The following BPIFB1 variants were observed in gnomAD, a reference collection of about 807,000 sequenced individuals.
BPIFB1 encodes BPI fold containing family B member 1, also known as BPI fold-containing family B member 1.
Under a neutral mutation model 55.1 loss-of-function variants are expected in BPIFB1, and 34 were observed. The observed-to-expected ratio is 0.62, with a 90% CI of 0.47 to 0.82. The LOEUF (loss-of-function observed/expected upper bound fraction) is 0.82, where lower values mean the gene tolerates loss of function less well. Ranked by LOEUF, BPIFB1 falls within the 40% of genes least tolerant of loss-of-function variation. The pLI, the probability that BPIFB1 is intolerant of heterozygous loss-of-function variation, is 0.00. For missense variants in BPIFB1, 532 were observed against 593.1 expected (o/e 0.90, Z 1.07); for synonymous variants, 236 against 245.3 (o/e 0.96, Z 0.35).
intron 12 of BPIFB1, among the ~76,000 whole-genome samples, chr20:33,304,271 C>A (rs1178555165): frequency 6.6e-6 from 1 of 152,178 alleles, no homozygotes; most frequent in Non-Finnish European, 1.5e-5. Context: ...ACTCTGGACA[C>A]CTCCCAGGCC....
intron 9 of BPIFB1, among the ~76,000 whole-genome samples, chr20:33,302,022 C>T (rs1980870814): frequency 1.3e-5 from 2 of 152,158 alleles, no homozygotes; most frequent in African/African-American, 4.8e-5. Flanking sequence ...TCTCAGGGGA[C>T]TGGGATGGCG....
intron 15 of BPIFB1, among the ~76,000 whole-genome samples, chr20:33,308,527 C>T (rs1295135705): frequency 6.9e-6 from 1 of 145,950 alleles, no homozygotes; most frequent in Admixed American, 6.8e-5. Context: ...CACCTTTATA[C>T]ACATACATAC....
intron 15 of BPIFB1, among the ~76,000 whole-genome samples, chr20:33,308,933 TATACACAC>T (rs1232746022): frequency 1.4e-5 from 2 of 147,032 alleles, no homozygotes; most frequent in African/African-American, 2.5e-5. Flanking sequence ...CACATACACA[TATACACAC>T]ATACACACAC....
chr20:33,291,220 C>A, intron 5 of BPIFB1, 114 bp downstream of exon 5: 1 of 1,319,836 alleles, frequency 7.6e-7, no homozygotes, highest in Non-Finnish European at 1.0e-6. Flanking sequence ...AAGAAAGGGA[C>A]TTATCCCCTC....
At chr20:33,295,835 G>A (rs1980631734) in intron 6 of BPIFB1, among the ~76,000 whole-genome samples, 2 of 141,722 alleles carry the variant, frequency 1.4e-5, no homozygotes, top group African/African-American at 5.3e-5. Context: ...GAAGGAAGGG[G>A]AAGGGGAAGG....
At chr20:33,308,840 A>G (rs1343167429) in intron 15 of BPIFB1, among the ~76,000 whole-genome samples, 1 of 150,534 alleles carries the variant, frequency 6.6e-6, no homozygotes, top group Non-Finnish European at 1.5e-5. Context: ...ACACACACAC[A>G]TAATACACAC....
chr20:33,291,905 A>G lies in BPIFB1; in HGVS notation c.516-2A>G, dbSNP rs2146528314. On this transcript the variant is annotated splice_acceptor_variant, in intron 5 of 15. Coordinates refer to ENST00000253354, the MANE Select transcript of BPIFB1 (RefSeq NM_033197.3). LOFTEE classifies it high-confidence loss of function. ...TGTCTCTCGTGCTCTCTTCCCTGAA[A>G]GGCTCTCCTTCCTGGTGAACGCCTT... The G allele has an allele frequency of 6.2e-7, 1 of 1,613,894 alleles. No individual in the cohort carries two copies. Among genetic ancestry groups the G allele is most frequent in the African/African-American group, 1.3e-5 (1 of 75,050 alleles).
chr20:33,305,411 G>A (rs1312042208), intron 13 of BPIFB1, among the ~76,000 whole-genome samples: 5 of 142,264 alleles, frequency 3.5e-5, no homozygotes, highest in South Asian at 4.5e-4. Context: ...TCCATCTCCC[G>A]GGTTCAAGCA....
At chr20:33,306,842 C>A in intron 14 of BPIFB1, 69 bp from the exon 15 acceptor site, 1 of 1,379,106 alleles carries the variant, frequency 7.3e-7, no homozygotes, top group Non-Finnish European at 1.0e-6. Flanking sequence ...TTCAGGAACC[C>A]TGAGCCTGCC....
chr20:33,290,654 G>A (rs553303812), intron 4 of BPIFB1, among the ~76,000 whole-genome samples: 61 of 152,288 alleles, frequency 4.0e-4, no homozygotes, highest in Admixed American at 3.9e-3. Flanking sequence ...GCCATGAGAG[G>A]AGCAGGTCTG....
intron 6 of BPIFB1, among the ~76,000 whole-genome samples, chr20:33,294,787 C>T (rs1475136309): frequency 6.6e-6 from 1 of 152,158 alleles, no homozygotes; most frequent in Non-Finnish European, 1.5e-5. Context: ...TGTGTGAAAG[C>T]CGGCATCCCA....
intron 10 of BPIFB1, 105 bp downstream of exon 10, chr20:33,302,517 G>A: frequency 7.7e-7 from 1 of 1,297,650 alleles, no homozygotes; most frequent in Non-Finnish European, 1.1e-6. Flanking sequence ...TCCAGCACTG[G>A]GACACTCAAA....
chr20:33,299,795 G>T, intron 7 of BPIFB1, 104 bp from the exon 8 acceptor site: 4 of 816,052 alleles, frequency 4.9e-6, no homozygotes, highest in South Asian at 1.5e-5. Context: ...CTCCCTACCT[G>T]CCCCCCCATG....
intron 5 of BPIFB1, among the ~76,000 whole-genome samples, chr20:33,291,487 CCT>C (rs1980470909): frequency 6.6e-6 from 1 of 152,284 alleles, no homozygotes; most frequent in East Asian, 1.9e-4. Context: ...AAGTGGCCAC[CCT>C]GTGTCTCACT....
At chr20:33,302,667 G>C in intron 10 of BPIFB1, 1 of 625,822 alleles carries the variant, frequency 1.6e-6, no homozygotes, top group South Asian at 2.0e-5. Context: ...CTGGGCCCCT[G>C]ATACAGTCTG....
At chr20:33,290,363 C>T (rs1980425232) in intron 4 of BPIFB1, among the ~76,000 whole-genome samples, 1 of 152,154 alleles carries the variant, frequency 6.6e-6, no homozygotes, top group Non-Finnish European at 1.5e-5. Context: ...GGAAAAAAGA[C>T]TTTCTGGGGG....
At chr20:33,297,668 C>G in intron 7 of BPIFB1, 80 bp downstream of exon 7, 2 of 1,470,238 alleles carry the variant, frequency 1.4e-6, no homozygotes, top group Non-Finnish European at 1.9e-6. Context: ...AAGGGAAGGC[C>G]TCCCCAAGTC....
At chr20:33,287,388 A>T (rs2146525627) in intron 2 of BPIFB1, among the ~76,000 whole-genome samples, 1 of 152,356 alleles carries the variant, frequency 6.6e-6, no homozygotes, top group South Asian at 2.1e-4. Context: ...TATTAGGGCC[A>T]TTCAGGAGAC....
chr20:33,296,216 G>A (rs1980649492), intron 6 of BPIFB1, among the ~76,000 whole-genome samples: 1 of 152,184 alleles, frequency 6.6e-6, no homozygotes, highest in South Asian at 2.1e-4. Context: ...ATGGGGAATT[G>A]TGGGATAAAA....
Sources: allele counts gnomAD v4.1 joint callset (sites outside exome capture counted in the v4.1 genomes callset), GRCh38; gene constraint gnomAD v4.1.1; transcripts MANE v1.5; gene names NCBI Gene and HGNC (gene_info 2026-07-23, HGNC 2026-07-21).